C11orf65: variants seen among roughly 807,000 people sequenced by gnomAD.
C11orf65 encodes protein MFI.
A neutral mutation model predicts 35.3 loss-of-function variants in C11orf65; 38 were observed. The observed-to-expected ratio is 1.08, with a 90% CI of 0.83 to 1.41. The LOEUF is 1.41. Among genes scored for constraint, C11orf65 ranks in the 40% most tolerant of loss-of-function variants. The pLI, the probability that C11orf65 is intolerant of heterozygous loss-of-function variation, is 0.00. For synonymous variants in C11orf65, 105 were observed against 114.4 expected, an observed-to-expected ratio of 0.92 and a Z score of 0.53; for missense variants, 370 against 367.1, an observed-to-expected ratio of 1.01 and a Z score of -0.06.
chr11:108,466,366 G>T (rs1350593454), intron 1 of C11orf65, among the ~76,000 whole-genome samples: 9 of 152,058 alleles, frequency 5.9e-5, no homozygotes, highest in African/African-American at 2.2e-4. Context: ...CTTAAGTCAG[G>T]GGTTTGAGAC....
chr11:108,317,615 T>C (rs563193193), intron 6 of C11orf65: 5 of 212,358 alleles, frequency 2.4e-5, no homozygotes, highest in Non-Finnish European at 4.2e-5. Context: ...AGGAGTTGTT[T>C]TATATATATA....
At chr11:108,368,722 G>C (rs2091455995) in intron 2 of C11orf65, 1 of 215,158 alleles carries the variant, frequency 4.6e-6, no homozygotes, top group African/African-American at 2.3e-5. Flanking sequence ...GATTAAGGGA[G>C]ATAATAGCTT....
chr11:108,433,755 G>A (rs2093026404), intron 2 of C11orf65, among the ~76,000 whole-genome samples: 1 of 151,874 alleles, frequency 6.6e-6, no homozygotes, highest in Non-Finnish European at 1.5e-5. Flanking sequence ...AGGGGGTCAA[G>A]TAAAAGGTGG....
chr11:108,312,347 A>G, intron 6 of C11orf65: 2 of 1,202,082 alleles, frequency 1.7e-6, no homozygotes, highest in Non-Finnish European at 1.2e-6. Flanking sequence ...AGTCTATAGT[A>G]TATGTATTCA....
At chr11:108,375,196 A>G (rs767466944) in intron 2 of C11orf65, among the ~76,000 whole-genome samples, 114 of 151,784 alleles carry the variant, frequency 7.5e-4, no homozygotes, top group Non-Finnish European at 3.8e-4. Flanking sequence ...CAGATTCACC[A>G]AAGTTGAAAT....
At chr11:108,384,198 A>ATT (rs1479374358) in intron 8 of C11orf65, among the ~76,000 whole-genome samples, 1 of 152,156 alleles carries the variant, frequency 6.6e-6, no homozygotes, top group Non-Finnish European at 1.5e-5. Context: ...ATGACTATCT[A>ATT]TTGAGCAGAG....
intron 7 of C11orf65, among the ~76,000 whole-genome samples, chr11:108,389,996 T>G (rs1238932072): frequency 7.6e-5 from 11 of 144,910 alleles, no homozygotes; most frequent in South Asian, 2.2e-4. Context: ...GCCTGGCTGG[T>G]TTTTTTTTTA....
At position 108,400,628 on chromosome 11, in the gene C11orf65, T is replaced by C. The variant is rs1030638931; in HGVS notation, c.560+4801A>G. On this transcript the variant is annotated intron_variant, in intron 6 of 8. Transcript: ENST00000393084. ...GCAGCATACCAGGTGCCAGGGGCTG[T>C]GTTGATTTGCTCTGTTGAAGAAGCC... Among the ~76,000 whole-genome samples, 27 of 152,272 alleles carry C rather than the reference T, an allele frequency of 1.8e-4. 1 individual carries two copies. Among genetic ancestry groups the C allele is most frequent in the African/African-American group, 5.3e-4 (22 of 41,548 alleles).
intron 3 of C11orf65, among the ~76,000 whole-genome samples, chr11:108,430,584 C>T (rs1395366623): frequency 6.6e-6 from 1 of 151,866 alleles, no homozygotes; most frequent in Non-Finnish European, 1.5e-5. Context: ...TGGTTTACAC[C>T]TGTAATCCCA....
chr11:108,369,142 C>T (rs940671977), intron 2 of C11orf65: 2 of 159,990 alleles, frequency 1.3e-5, no homozygotes, highest in Admixed American at 6.5e-5. Context: ...TTTGTGTGTT[C>T]TGTGTGCCAG....
At chr11:108,446,560 T>C (rs888756648) in intron 2 of C11orf65, among the ~76,000 whole-genome samples, 3 of 151,892 alleles carry the variant, frequency 2.0e-5, no homozygotes, top group Non-Finnish European at 2.9e-5. Flanking sequence ...AGAAATAAAA[T>C]ACTTTACAGA....
chr11:108,420,107 A>G (rs1287624047), intron 3 of C11orf65, among the ~76,000 whole-genome samples: 2 of 103,030 alleles, frequency 1.9e-5, no homozygotes, highest in Non-Finnish European at 3.9e-5. Flanking sequence ...TAATAGCATC[A>G]AAAATAAGAA....
chr11:108,445,957 C>T (rs1381293990), intron 2 of C11orf65, among the ~76,000 whole-genome samples: 2 of 152,004 alleles, frequency 1.3e-5, no homozygotes, highest in African/African-American at 2.4e-5. Flanking sequence ...AGCCGAGGCT[C>T]GAGAACTACG....
At chr11:108,350,427 G>A (rs2137181814) in intron 2 of C11orf65, among the ~76,000 whole-genome samples, 1 of 152,304 alleles carries the variant, frequency 6.6e-6, no homozygotes, top group East Asian at 1.9e-4. Context: ...AAGAGGTTTT[G>A]ATTAGAATGT....
intron 3 of C11orf65, among the ~76,000 whole-genome samples, chr11:108,423,652 T>C (rs1010341392): frequency 1.3e-5 from 2 of 152,048 alleles, no homozygotes; most frequent in African/African-American, 2.4e-5. Context: ...ACACCTCATA[T>C]AGGAGAGCTC....
At chr11:108,399,996 T>C (rs2092408835) in intron 6 of C11orf65, among the ~76,000 whole-genome samples, 1 of 152,188 alleles carries the variant, frequency 6.6e-6, no homozygotes, top group African/African-American at 2.4e-5. Context: ...TTCACTACCA[T>C]GGACATTTCT....
intron 2 of C11orf65, among the ~76,000 whole-genome samples, chr11:108,459,726 T>TACACACACACACAC (rs60928526): frequency 0.03 from 4,109 of 138,564 alleles, 78 homozygotes; most frequent in Non-Finnish European, 0.04. Context: ...GTCCTCCGTC[T>TACACACACACACAC]ACACACACAC....
At chr11:108,322,151 T>G (rs1170836982) in intron 6 of C11orf65, among the ~76,000 whole-genome samples, 2 of 152,124 alleles carry the variant, frequency 1.3e-5, no homozygotes, top group African/African-American at 2.4e-5. Context: ...TTGTTTTCTT[T>G]TTTTTCTTTT....
At position 108,335,980 on chromosome 11, in the gene C11orf65, G is replaced by T. The variant is rs1415660878; in HGVS notation, c.227-688C>A. On this transcript the variant is annotated intron_variant, in intron 2 of 3. Coordinates refer to the C11orf65 transcript ENST00000524755. ...TTATAAGGTAACTATTTGTACTTCT[G>T]TTAGTTCACCAAAAACATATAAAAG... is the stretch of plus-strand genomic sequence containing the variant. The T allele has an allele frequency of 6.4e-7, 1 of 1,556,314 alleles. No individual in the cohort carries two copies. The highest frequency in any genetic ancestry group is 8.9e-7 in the Non-Finnish European group (1 of 1,127,900).
Sources: allele counts gnomAD v4.1 joint callset (sites outside exome capture counted in the v4.1 genomes callset), GRCh38; gene constraint gnomAD v4.1.1; transcripts MANE v1.5; gene names NCBI Gene and HGNC (gene_info 2026-07-23, HGNC 2026-07-21).